The following SORCS2 variants were observed in gnomAD, a reference collection of about 807,000 sequenced individuals.
The protein encoded by SORCS2 is VPS10 domain-containing receptor SorCS2.
SORCS2 carries 100 observed loss-of-function variants against 141.6 expected under a neutral mutation model. The ratio of observed to expected loss-of-function variants is 0.71; its 90% confidence interval spans 0.60 to 0.83. The LOEUF is 0.83. SORCS2 is among the 40% of genes least tolerant of loss of function. The pLI, the probability that SORCS2 is intolerant of heterozygous loss-of-function variation, is 0.00. For synonymous variants in SORCS2, 789 were observed against 676.9 expected, an observed-to-expected ratio of 1.17 and a Z score of -2.57; for missense variants, 1,646 against 1,560.2, an observed-to-expected ratio of 1.05 and a Z score of -0.93.
intron 2 of SORCS2, among the ~76,000 whole-genome samples, chr4:7,405,235 C>T (rs947401361): frequency 3.9e-5 from 6 of 152,050 alleles, no homozygotes; most frequent in African/African-American, 1.4e-4. Flanking sequence ...ATAACAGTAC[C>T]ATGCTGTTTT....
At chr4:7,360,685 C>T (rs968036211) in intron 1 of SORCS2, among the ~76,000 whole-genome samples, 106 of 144,330 alleles carry the variant, frequency 7.3e-4, no homozygotes, top group African/African-American at 2.6e-3. Flanking sequence ...CTCAAGCGAT[C>T]GATCCTTCCA....
At chr4:7,452,858 CTGTGTTGGGGT>C (rs1728560274) in intron 2 of SORCS2, among the ~76,000 whole-genome samples, 1 of 147,222 alleles carries the variant, frequency 6.8e-6, no homozygotes, top group Non-Finnish European at 1.5e-5. Flanking sequence ...GGGTCAGGTG[CTGTGTTGGGGT>C]CAGGTGCCGT....
At chr4:7,490,483 G>T (rs960921001) in intron 2 of SORCS2, among the ~76,000 whole-genome samples, 1 of 151,488 alleles carries the variant, frequency 6.6e-6, no homozygotes, top group South Asian at 2.1e-4. Context: ...TTTGTCCTAG[G>T]GACCATGCTA....
chr4:7,664,332 G>A lies in SORCS2; in HGVS notation c.953-21G>A. ...CTCCGGCTGGAGTCTGACCGCCTGG[G>A]TCGGCGCCTCTCTCCTGTAGATTTT... is the stretch of plus-strand genomic sequence containing the variant. On this transcript the variant is annotated intron_variant, in intron 6 of 26. Transcript: ENST00000507866. This position sits in a 1 kb window ranked among gnomAD's most constrained non-coding sequence, Gnocchi z 4.7. The A allele has an allele frequency of 1.9e-6, 3 of 1,603,578 alleles. No homozygotes were observed. The highest frequency in any genetic ancestry group is 2.6e-6 in the Non-Finnish European group (3 of 1,172,656).
At chr4:7,313,186 C>T (rs1027990204) in intron 1 of SORCS2, among the ~76,000 whole-genome samples, 1 of 152,264 alleles carries the variant, frequency 6.6e-6, no homozygotes, top group African/African-American at 2.4e-5. Flanking sequence ...ATTCATTGTG[C>T]ACCAACGTGT....
chr4:7,528,586 C>T (rs57346742), intron 2 of SORCS2, among the ~76,000 whole-genome samples: 4,420 of 152,008 alleles, frequency 0.029, 212 homozygotes, highest in African/African-American at 0.1. Context: ...CCACCTCGCC[C>T]GGCCAATTTT....
intron 1 of SORCS2, among the ~76,000 whole-genome samples, chr4:7,251,820 C>G (rs1713523666): frequency 6.6e-6 from 1 of 152,134 alleles, no homozygotes; most frequent in South Asian, 2.1e-4. Context: ...ATGGCCACCT[C>G]TACAGCTCCT....
At chr4:7,314,799 T>G (rs1421767470) in intron 1 of SORCS2, among the ~76,000 whole-genome samples, 2 of 113,256 alleles carry the variant, frequency 1.8e-5, no homozygotes, top group East Asian at 2.9e-4. Context: ...CCCACTGTTC[T>G]GTTTTTTTTT....
chr4:7,212,547 G>T (rs537693557), intron 1 of SORCS2, among the ~76,000 whole-genome samples: 112 of 152,314 alleles, frequency 7.4e-4, no homozygotes, highest in African/African-American at 2.5e-3. Context: ...TCCATCTCTG[G>T]GTTCTGTTTT....
intron 1 of SORCS2, among the ~76,000 whole-genome samples, chr4:7,375,383 T>C (rs1445516244): frequency 6.6e-6 from 1 of 152,246 alleles, no homozygotes. Flanking sequence ...GAAACTCTCA[T>C]GCTACATCCC....
At chr4:7,272,724 A>G (rs1361406093) in intron 1 of SORCS2, among the ~76,000 whole-genome samples, 1 of 152,262 alleles carries the variant, frequency 6.6e-6, no homozygotes, top group East Asian at 1.9e-4. Flanking sequence ...CGAAGGAACA[A>G]TACCATCCGC....
In SORCS2 at chr4:7,724,294, AAT is replaced by A. The variant is rs1726865726; in HGVS notation, c.2611+412_2611+413del. 3.8e-4 allele frequency among the ~76,000 whole-genome samples: 33 copies of A among 86,148 alleles called. 1 individual carries two copies. Among genetic ancestry groups the A allele is most frequent in the African/African-American group, 1.7e-3 (31 of 18,364 alleles). 56.5% of individuals were successfully genotyped at this position (86,148 alleles called of 152,430 possible). A position where few individuals can be genotyped will look rare whatever the true frequency, so the allele number is the denominator to read the frequency against. ...TGATGGTGGTGGTGGTGGTGGTGAT[AAT>A]GGTGACAATGGTGGTGGTGGTGGTG... On this transcript the variant is annotated intron_variant, in intron 19 of 26. Coordinates refer to ENST00000507866, the MANE Select transcript of SORCS2 (RefSeq NM_020777.3).
chr4:7,314,800 GT>G (rs397880294), intron 1 of SORCS2, among the ~76,000 whole-genome samples: 4,136 of 108,584 alleles, frequency 0.038, 81 homozygotes, highest in South Asian at 0.11. Context: ...CCACTGTTCT[GT>G]TTTTTTTTTT....
intron 17 of SORCS2, among the ~76,000 whole-genome samples, chr4:7,717,609 G>A (rs979649529): frequency 1.4e-4 from 21 of 152,180 alleles, no homozygotes; most frequent in African/African-American, 4.1e-4. Context: ...GTGGCGAGGT[G>A]GAGGCAGGAC....
chr4:7,681,695 T>TGGA (rs1723535727), intron 9 of SORCS2, among the ~76,000 whole-genome samples: 1 of 152,212 alleles, frequency 6.6e-6, no homozygotes, highest in Non-Finnish European at 1.5e-5. Flanking sequence ...TCATGGCTGC[T>TGGA]GTTGTTCTCC....
chr4:7,430,659 A>G (rs1726780211), intron 2 of SORCS2: 1 of 152,100 alleles, frequency 6.6e-6, no homozygotes, highest in Non-Finnish European at 1.5e-5. Flanking sequence ...CGCAGTCACC[A>G]CCTCTGGGAA....
intron 1 of SORCS2, among the ~76,000 whole-genome samples, chr4:7,253,759 G>A (rs1713660927): frequency 6.6e-6 from 1 of 152,244 alleles, no homozygotes; most frequent in African/African-American, 2.4e-5. Context: ...CAGGTGGGCA[G>A]GAGGCCCCTG....
intron 2 of SORCS2, among the ~76,000 whole-genome samples, chr4:7,464,811 G>A (rs991632804): frequency 3.0e-4 from 45 of 152,236 alleles, no homozygotes; most frequent in African/African-American, 1.0e-3. Flanking sequence ...GCTGGGCATC[G>A]GGATAGTGCC....
chr4:7,633,942 G>A lies in SORCS2; in HGVS notation c.649-4386G>A, dbSNP rs1720066211. On this transcript the variant is annotated intron_variant, in intron 3 of 26. Transcript: ENST00000507866. Reference sequence around the variant, plus strand: ...TCATGGAAAAAGTGCTTTAATGAGGGGGATTTGGGCTTCCCTGGCCAAATG... The same window carrying A: ...TCATGGAAAAAGTGCTTTAATGAGGAGGATTTGGGCTTCCCTGGCCAAATG... 1.6e-5 allele frequency among the ~76,000 whole-genome samples: 2 copies of A among 121,312 alleles called. 1 individual carries two copies. Among genetic ancestry groups the A allele is most frequent in the African/African-American group, 5.2e-5 (2 of 38,828 alleles). 79.6% of individuals were successfully genotyped at this position (121,312 alleles called of 152,430 possible).
Sources: gnomAD v4.1 joint callset for allele counts (sites outside exome capture counted in the v4.1 genomes callset) on GRCh38, gnomAD v4.1.1 for gene constraint, Gnocchi (gnomAD v3.1) non-coding constraint, MANE v1.5 for transcripts, NCBI Gene and HGNC (gene_info 2026-07-23, HGNC 2026-07-21) for gene names.